NDFIP2: variants seen among roughly 807,000 people sequenced by gnomAD.
NDFIP2 encodes Nedd4 family interacting protein 2, also known as NEDD4 family-interacting protein 2.
Under a neutral mutation model 36.0 loss-of-function variants are expected in NDFIP2, and 19 were observed. That is an observed-to-expected ratio of 0.53 (90% confidence interval 0.37 to 0.77). The LOEUF is 0.77. Ranked by LOEUF, NDFIP2 falls within the 30% of genes least tolerant of loss-of-function variation. NDFIP2 has a pLI of 0.00. For missense variants in NDFIP2, 446 were observed against 435.8 expected, an observed-to-expected ratio of 1.02 and a Z score of -0.21; for synonymous variants, 181 against 167.7, an observed-to-expected ratio of 1.08 and a Z score of -0.61.
chr13:79,543,731 A>G (rs1241608609), intron 5 of NDFIP2, 49 bp downstream of exon 5: 3 of 1,593,350 alleles, frequency 1.9e-6, no homozygotes, highest in African/African-American at 1.4e-5. Context: ...AATGAGATGT[A>G]TGAAATTTTC....
At chr13:79,522,033 TTAG>T (rs1242435449) in intron 2 of NDFIP2, among the ~76,000 whole-genome samples, 2 of 152,096 alleles carry the variant, frequency 1.3e-5, no homozygotes, top group African/African-American at 4.8e-5. Flanking sequence ...TTTCACCATG[TTAG>T]CCAGGATGGT....
At chr13:79,522,834 C>G (rs1362726018) in intron 2 of NDFIP2, among the ~76,000 whole-genome samples, 1 of 152,236 alleles carries the variant, frequency 6.6e-6, no homozygotes, top group Non-Finnish European at 1.5e-5. Context: ...TCAAATGTCA[C>G]ATGGTATCCC....
intron 1 of NDFIP2, among the ~76,000 whole-genome samples, chr13:79,501,719 A>G (rs944087217): frequency 4.6e-5 from 7 of 152,132 alleles, no homozygotes; most frequent in South Asian, 4.1e-4. Context: ...GGCATTTGCT[A>G]TGCTTCCTGG....
chr13:79,539,912 G>A, intron 4 of NDFIP2, 137 bp downstream of exon 4: 1 of 662,216 alleles, frequency 1.5e-6, no homozygotes, highest in Non-Finnish European at 2.6e-6. Context: ...CCTGATATTG[G>A]ACTAATGAAT....
intron 1 of NDFIP2, among the ~76,000 whole-genome samples, chr13:79,509,622 A>G (rs1873997469): frequency 6.6e-6 from 1 of 151,718 alleles, no homozygotes; most frequent in Non-Finnish European, 1.5e-5. Flanking sequence ...GGCCAAGGGG[A>G]GGAGTTGTAT....
chr13:79,534,878 C>A (rs568923563), intron 3 of NDFIP2, among the ~76,000 whole-genome samples: 1 of 152,112 alleles, frequency 6.6e-6, no homozygotes, highest in South Asian at 2.1e-4. Flanking sequence ...TATGCCTGCT[C>A]CTACTACCCT....
At chr13:79,519,399 G>A (rs553500291) in intron 1 of NDFIP2, among the ~76,000 whole-genome samples, 4 of 152,046 alleles carry the variant, frequency 2.6e-5, no homozygotes, top group Non-Finnish European at 4.4e-5. Context: ...ACTTTTTATC[G>A]TATTGATGCC....
chr13:79,505,638 A>C (rs972215078), intron 1 of NDFIP2, among the ~76,000 whole-genome samples: 3 of 151,914 alleles, frequency 2.0e-5, no homozygotes, highest in African/African-American at 7.3e-5. Context: ...TAAAAAAAAA[A>C]AAAACCCAAA....
intron 6 of NDFIP2, 128 bp from the exon 7 acceptor site, chr13:79,550,889 A>G: frequency 1.8e-6 from 1 of 547,672 alleles, no homozygotes; most frequent in Non-Finnish European, 3.3e-6. Flanking sequence ...TATTACAGAA[A>G]TGAATGGAAG....
chr13:79,494,164 C>T (rs555599443), intron 1 of NDFIP2, among the ~76,000 whole-genome samples: 81 of 152,120 alleles, frequency 5.3e-4, no homozygotes, highest in African/African-American at 1.8e-3. Context: ...GTAGTCCTGC[C>T]TCTTGGGTTC....
chr13:79,543,707 T>A (rs775219315), intron 5 of NDFIP2, 25 bp downstream of exon 5: 1 of 1,604,522 alleles, frequency 6.2e-7, no homozygotes, highest in Non-Finnish European at 8.5e-7. Context: ...AGCCTGTATC[T>A]CTTTTATCTC....
intron 1 of NDFIP2, among the ~76,000 whole-genome samples, chr13:79,512,766 A>G (rs757889732): frequency 6.6e-6 from 1 of 152,114 alleles, no homozygotes; most frequent in Non-Finnish European, 1.5e-5. Flanking sequence ...AGCTTTTTCT[A>G]TTGCACATGA....
intron 2 of NDFIP2, among the ~76,000 whole-genome samples, chr13:79,528,269 T>A (rs1212578293): frequency 6.6e-6 from 1 of 151,840 alleles, no homozygotes; most frequent in South Asian, 2.1e-4. Context: ...AAAAAAAGTT[T>A]AAAAAATTTA....
At chr13:79,529,338 T>C (rs1378903417) in intron 2 of NDFIP2, among the ~76,000 whole-genome samples, 1 of 152,184 alleles carries the variant, frequency 6.6e-6, no homozygotes, top group African/African-American at 2.4e-5. Context: ...GGTAGGGATT[T>C]TTTTTTTCTA....
At chr13:79,490,584 C>A (rs935478438) in intron 1 of NDFIP2, among the ~76,000 whole-genome samples, 1 of 152,088 alleles carries the variant, frequency 6.6e-6, no homozygotes, top group Non-Finnish European at 1.5e-5. Flanking sequence ...AGTATCCATA[C>A]CAAATATGAA....
chr13:79,505,642 A>C (rs1286080328), intron 1 of NDFIP2, among the ~76,000 whole-genome samples: 4 of 151,470 alleles, frequency 2.6e-5, no homozygotes, highest in Admixed American at 2.0e-4. Flanking sequence ...AAAAAAAAAA[A>C]CCCAAAAACC....
intron 7 of NDFIP2, among the ~76,000 whole-genome samples, chr13:79,552,046 TATAC>T (rs1358042082): frequency 6.6e-6 from 1 of 151,362 alleles, no homozygotes; most frequent in African/African-American, 2.4e-5. Flanking sequence ...TTATATAAGT[TATAC>T]ATAAGCTTAT....
intron 3 of NDFIP2, among the ~76,000 whole-genome samples, chr13:79,535,585 T>C (rs1199958095): frequency 6.6e-6 from 1 of 152,218 alleles, no homozygotes; most frequent in Non-Finnish European, 1.5e-5. Flanking sequence ...CAGCAAAGTA[T>C]TAATAGAATT....
At chr13:79,513,495 G>A (rs561075372) in intron 1 of NDFIP2, among the ~76,000 whole-genome samples, 1 of 152,308 alleles carries the variant, frequency 6.6e-6, no homozygotes, top group South Asian at 2.1e-4. Flanking sequence ...ATCATCCCAT[G>A]ATGAAACATA....
Sources: gnomAD v4.1 joint callset for allele counts (sites outside exome capture counted in the v4.1 genomes callset) on GRCh38, gnomAD v4.1.1 for gene constraint, MANE v1.5 for transcripts, NCBI Gene and HGNC (gene_info 2026-07-23, HGNC 2026-07-21) for gene names.